The following CREBBP variants were observed in gnomAD, a reference collection of about 807,000 sequenced individuals.
The protein encoded by CREBBP is CREB binding lysine acetyltransferase, also known as CREB-binding protein.
Under a neutral mutation model 265.0 loss-of-function variants are expected in CREBBP, and 19 were observed. That is an observed-to-expected ratio of 0.07 (90% CI 0.05 to 0.11). The LOEUF (loss-of-function observed/expected upper bound fraction) is 0.11, where lower values mean the gene tolerates loss of function less well. Ranked by LOEUF, CREBBP falls within the 10% of genes least tolerant of loss-of-function variation. CREBBP has a pLI of 1.00. For synonymous variants in CREBBP, 1,457 were observed against 1,223.7 expected, an observed-to-expected ratio of 1.19 and a Z score of -3.98; for missense variants, 2,525 against 3,219.0, an observed-to-expected ratio of 0.78 and a Z score of 5.22.
At chr16:3,768,056 G>T in intron 15 of CREBBP, 147 bp from the exon 16 acceptor site, 1 of 692,212 alleles carries the variant, frequency 1.4e-6, no homozygotes, top group Non-Finnish European at 2.5e-6. Flanking sequence ...TTCTCTTCCG[G>T]AAGAAGAAAT....
At chr16:3,874,436 T>C (rs2055359424) in intron 1 of CREBBP, among the ~76,000 whole-genome samples, 2 of 152,206 alleles carry the variant, frequency 1.3e-5, no homozygotes, top group African/African-American at 2.4e-5. Context: ...AGTCACCAAA[T>C]TGCAGCCCAT....
intron 13 of CREBBP, 105 bp downstream of exon 13, chr16:3,773,646 A>G: frequency 8.3e-7 from 1 of 1,209,654 alleles, no homozygotes; most frequent in Non-Finnish European, 1.2e-6. Context: ...TGAAATGTGC[A>G]TTCTGGAATT....
chr16:3,857,072 A>G (rs2054979124), intron 1 of CREBBP, among the ~76,000 whole-genome samples: 1 of 152,138 alleles, frequency 6.6e-6, no homozygotes, highest in African/African-American at 2.4e-5. Context: ...AAGGGTACCA[A>G]CGCCCCAGAG....
chr16:3,770,488 G>C, intron 14 of CREBBP, 82 bp downstream of exon 14: 1 of 1,492,698 alleles, frequency 6.7e-7, no homozygotes, highest in Non-Finnish European at 9.2e-7. Context: ...GAACCACCGC[G>C]CCTGGCCTGA....
At chr16:3,765,246 G>T (rs1034113537) in intron 16 of CREBBP, among the ~76,000 whole-genome samples, 1 of 152,234 alleles carries the variant, frequency 6.6e-6, no homozygotes. Flanking sequence ...AAAGTGCGGG[G>T]ATTACAGGTG....
At chr16:3,826,199 C>G (rs1301778641) in intron 2 of CREBBP, among the ~76,000 whole-genome samples, 1 of 152,070 alleles carries the variant, frequency 6.6e-6, no homozygotes, top group Non-Finnish European at 1.5e-5. Context: ...GGTGACAGAG[C>G]CAGACCCAGT....
chr16:3,739,009 CTG>C (rs1281647805), intron 25 of CREBBP, among the ~76,000 whole-genome samples: 1 of 152,226 alleles, frequency 6.6e-6, no homozygotes, highest in Non-Finnish European at 1.5e-5. Context: ...TCCCACAGTG[CTG>C]TGATTGGCCA....
intron 11 of CREBBP, among the ~76,000 whole-genome samples, chr16:3,775,306 G>A (rs1365732728): frequency 6.6e-6 from 1 of 152,206 alleles, no homozygotes; most frequent in Admixed American, 6.5e-5. Flanking sequence ...TTAGCCTCCT[G>A]TAGTTTACAG....
chr16:3,780,612 G>C (rs2053251237), intron 8 of CREBBP, 120 bp downstream of exon 8: 4 of 1,044,592 alleles, frequency 3.8e-6, no homozygotes, highest in African/African-American at 1.6e-5. Flanking sequence ...CCAGCAGTGA[G>C]AGTGGCTCCC....
intron 2 of CREBBP, among the ~76,000 whole-genome samples, chr16:3,816,995 C>A (rs2054048908): frequency 6.6e-6 from 1 of 152,148 alleles, no homozygotes; most frequent in African/African-American, 2.4e-5. Context: ...GAACAGTGCC[C>A]TTTCTATCTT....
At chr16:3,811,791 G>A (rs1437014358) in intron 2 of CREBBP, among the ~76,000 whole-genome samples, 1 of 152,162 alleles carries the variant, frequency 6.6e-6, no homozygotes, top group Non-Finnish European at 1.5e-5. Flanking sequence ...ACCGTGCCCG[G>A]CCCCTTACGG....
Position 3,849,448 on chromosome 16 carries a change from T to TGTGTGTG in CREBBP, c.798+842_798+848dup, listed in dbSNP as rs1567360697. 6.0e-4 allele frequency among the ~76,000 whole-genome samples: 30 copies of TGTGTGTG among 50,388 alleles called. 1 individual carries two copies. Among genetic ancestry groups the TGTGTGTG allele is most frequent in the Non-Finnish European group, 1.2e-3 (23 of 19,174 alleles). 33.1% of individuals were successfully genotyped at this position (50,388 alleles called of 152,430 possible). A position where few individuals can be genotyped will look rare whatever the true frequency, so the allele number is the denominator to read the frequency against. On this transcript the variant is annotated intron_variant, in intron 2 of 30. Coordinates refer to ENST00000262367, the MANE Select transcript of CREBBP (RefSeq NM_004380.3). The stretch of plus-strand genomic sequence containing the variant: ...GTGTGTGTGTGTGTGTGTGTGTGTG[T>TGTGTGTG]GTGTGTGTGTGTGTGTGTGTGTGTG...
intron 3 of CREBBP, among the ~76,000 whole-genome samples, chr16:3,803,696 C>T (rs927296837): frequency 3.9e-5 from 6 of 152,060 alleles, no homozygotes; most frequent in Admixed American, 3.9e-4. Flanking sequence ...GCCACTCCCT[C>T]CCCACTCTCT....
chr16:3,790,598 C>A (rs1297124694), intron 5 of CREBBP, among the ~76,000 whole-genome samples: 1 of 152,098 alleles, frequency 6.6e-6, no homozygotes, highest in Non-Finnish European at 1.5e-5. Context: ...GATCTGCCCG[C>A]CTCGGCCTCC....
chr16:3,777,845 G>A (rs1318082837), intron 10 of CREBBP, 166 bp downstream of exon 10: 3 of 1,070,164 alleles, frequency 2.8e-6, no homozygotes, highest in African/African-American at 3.1e-5. Flanking sequence ...GAAACTCAGT[G>A]TCCCAACACA....
intron 3 of CREBBP, among the ~76,000 whole-genome samples, chr16:3,796,187 T>G (rs2053604786): frequency 6.6e-6 from 1 of 152,168 alleles, no homozygotes; most frequent in Admixed American, 6.5e-5. Flanking sequence ...ACAAGTAAAT[T>G]ATAACCAGAC....
At chr16:3,800,523 CAT>C (rs1179844220) in intron 3 of CREBBP, among the ~76,000 whole-genome samples, 1 of 151,974 alleles carries the variant, frequency 6.6e-6, no homozygotes, top group East Asian at 1.9e-4. Flanking sequence ...CCAAAATTAA[CAT>C]ATATGTGCCT....
chr16:3,867,091 G>C (rs2055192482), intron 1 of CREBBP, among the ~76,000 whole-genome samples: 1 of 152,168 alleles, frequency 6.6e-6, no homozygotes, highest in Admixed American at 6.5e-5. Flanking sequence ...TGGTGTTGAA[G>C]TAGGTTGCTA....
chr16:3,787,032 C>T (rs914311485), intron 5 of CREBBP, among the ~76,000 whole-genome samples: 1 of 149,982 alleles, frequency 6.7e-6, no homozygotes, highest in African/African-American at 2.5e-5. Flanking sequence ...GATCGCGCCA[C>T]TGCACTCTAG....
Sources: gnomAD v4.1 joint callset for allele counts (sites outside exome capture counted in the v4.1 genomes callset) on GRCh38, gnomAD v4.1.1 for gene constraint, MANE v1.5 for transcripts, NCBI Gene and HGNC (gene_info 2026-07-23, HGNC 2026-07-21) for gene names.